CDH13: variants seen among roughly 807,000 people sequenced by gnomAD.
The protein encoded by CDH13 is cadherin 13, also known as cadherin-13.
A neutral mutation model predicts 63.8 loss-of-function variants in CDH13; 24 were observed. The ratio of observed to expected loss-of-function variants is 0.38; its 90% confidence interval spans 0.27 to 0.53. CDH13 has a LOEUF of 0.53. Among genes scored for constraint, CDH13 ranks in the 20% least tolerant of loss-of-function variants. The pLI is 0.85. For missense variants in CDH13, 1,049 were observed against 903.1 expected, an observed-to-expected ratio of 1.16 and a Z score of -2.07; for synonymous variants, 503 against 355.3, an observed-to-expected ratio of 1.42 and a Z score of -4.67.
intron 2 of CDH13, among the ~76,000 whole-genome samples, chr16:82,998,907 C>G (rs1010227215): frequency 4.0e-5 from 5 of 126,494 alleles, no homozygotes; most frequent in Non-Finnish European, 8.1e-5. Context: ...TCATTTTTAA[C>G]TTTCACCAAC....
At chr16:83,521,405 G>C (rs2074833183) in intron 7 of CDH13, among the ~76,000 whole-genome samples, 1 of 151,886 alleles carries the variant, frequency 6.6e-6, no homozygotes, top group South Asian at 2.1e-4. Flanking sequence ...TATGCTAATA[G>C]AGTAGTAGCG....
chr16:83,065,626 G>A (rs1022310872), intron 3 of CDH13, among the ~76,000 whole-genome samples: 1 of 151,232 alleles, frequency 6.6e-6, no homozygotes, highest in African/African-American at 2.4e-5. Flanking sequence ...AATCAGTTAA[G>A]CCCAGGGGGC....
In CDH13 at chr16:82,737,358, C is replaced by G. The variant is rs1373032516; in HGVS notation, c.45+110221C>G. ...TCATGTGCTGTCAACTCATCCATCA[C>G]TATATTTTTCTCCTTTGCCCTTCCA... On this transcript the variant is annotated intron_variant, in intron 1 of 13. Transcript: ENST00000567109. Among the ~76,000 whole-genome samples the G allele has an allele frequency of 3.3e-5, 5 of 152,348 alleles. No homozygotes were observed. The East Asian group carries it at 9.6e-4, about 29-fold the overall frequency.
At chr16:82,945,827 G>T (rs766094420) in intron 2 of CDH13, among the ~76,000 whole-genome samples, 1 of 152,110 alleles carries the variant, frequency 6.6e-6, no homozygotes, top group African/African-American at 2.4e-5. Flanking sequence ...GAGAGGCACC[G>T]TGTTAGAGAG....
intron 6 of CDH13, among the ~76,000 whole-genome samples, chr16:83,408,015 A>G (rs1276304143): frequency 6.6e-6 from 1 of 152,136 alleles, no homozygotes; most frequent in Non-Finnish European, 1.5e-5. Flanking sequence ...CCACCCTGCT[A>G]GCATCTTAAT....
intron 1 of CDH13, among the ~76,000 whole-genome samples, chr16:82,656,349 T>C (rs1305612855): frequency 6.6e-6 from 1 of 151,656 alleles, no homozygotes; most frequent in African/African-American, 2.4e-5. Flanking sequence ...ATGATGGTGA[T>C]GAGATGAGGG....
At chr16:83,611,120 C>A (rs965913109) in intron 8 of CDH13, among the ~76,000 whole-genome samples, 2 of 152,106 alleles carry the variant, frequency 1.3e-5, no homozygotes, top group East Asian at 3.9e-4. Context: ...TCAAGTCTTT[C>A]AACCATTTTT....
chr16:83,781,068 A>C (rs990063720), intron 12 of CDH13, among the ~76,000 whole-genome samples: 1 of 152,110 alleles, frequency 6.6e-6, no homozygotes, highest in African/African-American at 2.4e-5. Flanking sequence ...ATCCTTGGCC[A>C]CCATTGACTT....
In CDH13 at chr16:83,460,279, C is replaced by T. The variant is rs143690240; in HGVS notation, c.782-26198C>T. 2.5e-3 allele frequency among the ~76,000 whole-genome samples: 387 copies of T among 152,330 alleles called. 2 individuals carry two copies. The highest frequency in any genetic ancestry group is 8.5e-3 in the African/African-American group (354 of 41,568). ...GCAATAACAGGAAAACAGAGACCCT[C>T]GCTGACTGCTGTTCAGAGAGTAAAT... On this transcript the variant is annotated intron_variant, in intron 6 of 13. Coordinates refer to ENST00000567109, the MANE Select transcript of CDH13 (RefSeq NM_001257.5).
At chr16:82,914,586 C>T (rs1266004624) in intron 2 of CDH13, among the ~76,000 whole-genome samples, 3 of 152,108 alleles carry the variant, frequency 2.0e-5, no homozygotes, top group African/African-American at 4.8e-5. Context: ...GAAATATTTT[C>T]AAAAGGTAAA....
chr16:83,381,876 T>C (rs11642369), intron 6 of CDH13, among the ~76,000 whole-genome samples: 16,448 of 152,230 alleles, frequency 0.11, 1,167 homozygotes, highest in Non-Finnish European at 0.16. Flanking sequence ...TTCACAAGTA[T>C]AAAATCATAT....
At chr16:83,523,537 C>T (rs1030085003) in intron 7 of CDH13, among the ~76,000 whole-genome samples, 3 of 152,202 alleles carry the variant, frequency 2.0e-5, no homozygotes, top group Non-Finnish European at 4.4e-5. Flanking sequence ...CAGTGCCCCC[C>T]ACACCAGGAC....
At chr16:83,578,829 C>A (rs1280682167) in intron 7 of CDH13, among the ~76,000 whole-genome samples, 1 of 152,154 alleles carries the variant, frequency 6.6e-6, no homozygotes, top group Non-Finnish European at 1.5e-5. Context: ...CTATGTGTAT[C>A]ATTTCATTAG....
At chr16:83,304,923 A>G (rs897879130) in intron 5 of CDH13, among the ~76,000 whole-genome samples, 1 of 152,130 alleles carries the variant, frequency 6.6e-6, no homozygotes, top group Non-Finnish European at 1.5e-5. Context: ...TAAGTATTTT[A>G]TTCATAGCAG....
At chr16:83,791,251 C>G (rs456267) in intron 13 of CDH13, among the ~76,000 whole-genome samples, 99,033 of 152,080 alleles carry the variant, frequency 0.65, 32,743 homozygotes, top group South Asian at 0.75. Context: ...AATCCCAACA[C>G]TTTCGGAAGC....
Position 82,644,257 on chromosome 16 carries a change from G to T in CDH13, c.45+17120G>T, listed in dbSNP as rs1295765361. On this transcript the variant is annotated intron_variant, in intron 1 of 13. Coordinates refer to ENST00000567109, the MANE Select transcript of CDH13 (RefSeq NM_001257.5). The surrounding 1 kb of genome is among the most constrained non-coding windows in gnomAD (Gnocchi z 5.7). Reference sequence around the variant, plus strand: ...AGAAGTCAATCTAAGGTCTAAGGCTGGGAAAGGAGCTCCCACTTCTTACAT... The same window carrying T: ...AGAAGTCAATCTAAGGTCTAAGGCTTGGAAAGGAGCTCCCACTTCTTACAT... Among the ~76,000 whole-genome samples, 2 of 152,106 alleles carry T rather than the reference G, an allele frequency of 1.3e-5. No individual in the cohort carries two copies. Among genetic ancestry groups the T allele is most frequent in the Non-Finnish European group, 2.9e-5 (2 of 68,028 alleles).
At chr16:82,662,102 T>C (rs7196157) in intron 1 of CDH13, among the ~76,000 whole-genome samples, 17,958 of 152,256 alleles carry the variant, frequency 0.12, 1,163 homozygotes, top group East Asian at 0.24. Context: ...TGGTAGTATG[T>C]CCATAGAATG....
intron 1 of CDH13, among the ~76,000 whole-genome samples, chr16:82,794,179 TTTTC>T (rs910245728): frequency 5.4e-5 from 8 of 148,964 alleles, no homozygotes; most frequent in African/African-American, 2.1e-4. Flanking sequence ...TTTTCTTTTC[TTTTC>T]TTTTTTTTTT....
intron 3 of CDH13, among the ~76,000 whole-genome samples, chr16:83,066,229 T>G (rs917770568): frequency 2.6e-5 from 4 of 152,212 alleles, no homozygotes; most frequent in Non-Finnish European, 4.4e-5. Context: ...TCTCAACAAG[T>G]GACTAAGCTC....
Sources: allele counts gnomAD v4.1 joint callset (sites outside exome capture counted in the v4.1 genomes callset), GRCh38; gene constraint gnomAD v4.1.1; non-coding constraint Gnocchi (gnomAD v3.1); transcripts MANE v1.5; gene names NCBI Gene and HGNC (gene_info 2026-07-23, HGNC 2026-07-21).